The following ZKSCAN7 variants were observed in gnomAD, a reference collection of about 807,000 sequenced individuals.
ZKSCAN7 encodes zinc finger with KRAB and SCAN domains 7.
A neutral mutation model predicts 65.3 loss-of-function variants in ZKSCAN7; 38 were observed. The ratio of observed to expected loss-of-function variants is 0.58; its 90% CI spans 0.45 to 0.76. The LOEUF is 0.76. ZKSCAN7 is among the 30% of genes least tolerant of loss of function. The pLI, the probability that ZKSCAN7 is intolerant of heterozygous loss-of-function variation, is 0.00. For synonymous variants in ZKSCAN7, 321 were observed against 321.0 expected (o/e 1.00, Z 0.00); for missense variants, 815 against 913.3 (o/e 0.89, Z 1.39).
chr3:44,580,787 G>A lies in ZKSCAN7; in HGVS notation c.812-2185G>A, dbSNP rs1700056511. 33 of 1,612,468 alleles carry A rather than the reference G, an allele frequency of 2.0e-5. 1 individual carries two copies. In the South Asian group the frequency reaches 3.3e-4, roughly 16 times the overall value. On this transcript the variant is annotated intron_variant, in intron 5 of 5. Transcript: ENST00000341840. ...TCTCATCCAGGGCGTAGCGCAAGAG[G>A]CCATGCTCGTAAAGGATGAAGAACT...
intron 5 of ZKSCAN7, chr3:44,580,226 C>T: frequency 1.2e-6 from 2 of 1,612,264 alleles, no homozygotes; most frequent in Middle Eastern, 1.7e-4. Flanking sequence ...TGGTCTTCTC[C>T]AGAGAGAAGT....
rs1237005065 is a variant in ZKSCAN7, at chr3:44,571,020, G to T, written c.1910G>T (p.Cys637Phe). 1 of 1,614,060 alleles carries T rather than the reference G, an allele frequency of 6.2e-7. No individual in the cohort carries two copies. Among genetic ancestry groups the T allele is most frequent in the South Asian group, 1.1e-5 (1 of 91,082 alleles). ...CACACGGGTGAAAAGCCCTATAAAT[G>T]CAATGAGTGTGGAAAATCCTTCAAT... ...RLHTGEKPYK[C>F]NECGKSFNQN... The change falls in exon 6 of 6, where the codon TGC (cysteine) becomes TTC (phenylalanine). Residue 637 changes from cysteine (C) to phenylalanine (F), a missense_variant. Cys to Phe is a radical substitution (Grantham distance 205, BLOSUM62 -2). Around this residue, in one of 3 missense-constraint regions of ZKSCAN7, gnomAD observed 578 missense variants for 629.5 expected, o/e 0.92. Coordinates refer to ENST00000426540, the MANE Select transcript of ZKSCAN7 (RefSeq NM_001288590.2).
At chr3:44,572,302 G>A, downstream of ZKSCAN7, 1 of 909,344 alleles carries the variant, frequency 1.1e-6, no homozygotes. Context: ...TATACTCCTG[G>A]AAGTCTTACT....
rs1395356551 is a variant in ZKSCAN7, at chr3:44,568,454, T to C, written c.811+21T>C. ...CTTGGGTAATGATTCTGTTTCCTAG[T>C]CACTTAAAGTCTGCATGCTGCACAA... On this transcript the variant is annotated intron_variant, in intron 5 of 5. Transcript: ENST00000426540. 3.7e-6 allele frequency: 6 copies of C among 1,608,032 alleles called. No homozygotes were observed. The African/African-American group carries it at 8.0e-5, about 22-fold the overall frequency.
downstream of ZKSCAN7, among the ~76,000 whole-genome samples, chr3:44,575,947 A>T (rs1268993090): frequency 1.3e-5 from 2 of 152,164 alleles, no homozygotes; most frequent in Non-Finnish European, 2.9e-5. Flanking sequence ...GGCTGTGCAA[A>T]ATGAATTTGG....
downstream of ZKSCAN7, among the ~76,000 whole-genome samples, chr3:44,576,698 T>G (rs1211487950): frequency 6.6e-6 from 1 of 152,240 alleles, no homozygotes; most frequent in African/African-American, 2.4e-5. Context: ...TCCCTTTAGA[T>G]CTGAAGCTAA....
At chr3:44,561,113 A>G (rs1226691561) in intron 2 of ZKSCAN7, among the ~76,000 whole-genome samples, 1 of 152,210 alleles carries the variant, frequency 6.6e-6, no homozygotes, top group Non-Finnish European at 1.5e-5. Flanking sequence ...TCACACTGCT[A>G]TAAAGAACTA....
Position 44,567,983 on chromosome 3 carries a change from C to G in ZKSCAN7, c.664C>G (p.Leu222Val). Residue 222 changes from leucine to valine, a missense_variant, in exon 4 of 6, where the codon CTT becomes GTT. Leu to Val is a conservative substitution (Grantham distance 32). Coordinates refer to ENST00000426540, the MANE Select transcript of ZKSCAN7 (RefSeq NM_001288590.2). ...NSGDQAGATV[L>V]RMVRPQDTVA... ...AGGAGACCAAGCAGGGGCAACTGTA[C>G]TTCGGATGGTCAGGCCCCAGGTGAG... 1.2e-5 allele frequency: 18 copies of G among 1,449,970 alleles called. No homozygotes were observed. Among genetic ancestry groups the G allele is most frequent in the Non-Finnish European group, 1.6e-5 (17 of 1,064,614 alleles). The allele number at this position is 1,449,970 out of a possible 1,614,324, so 89.8% of individuals were successfully genotyped here. A position where few individuals can be genotyped will look rare whatever the true frequency, so the allele number is the denominator to read the frequency against.
chr3:44,565,793 GT>G, intron 3 of ZKSCAN7, 138 bp downstream of exon 3: 2 of 940,706 alleles, frequency 2.1e-6, no homozygotes, highest in South Asian at 2.7e-5. Context: ...TAGTGACCCT[GT>G]TTGTTCCTTT....
rs748452710 is a variant in ZKSCAN7 at position 44,570,711 on chromosome 3, C to T, written c.1601C>T (p.Ser534Phe). The T allele has an allele frequency of 2.5e-6, 4 of 1,613,486 alleles. No homozygotes were observed. In the African/African-American group the frequency reaches 5.4e-5, roughly 22 times the overall value. The change falls in exon 6 of 6, where the codon TCC (serine) becomes TTC (phenylalanine). Residue 534 changes from serine to phenylalanine, a missense_variant. Ser to Phe is a radical substitution (Grantham distance 155). Around this residue, in one of 3 missense-constraint regions of ZKSCAN7, gnomAD observed 578 missense variants for 629.5 expected, o/e 0.92. Transcript: ENST00000426540. ...KCNECGRAFC[S>F]NRNLIDHQRI... is the part of the protein sequence containing the mutation. The stretch of plus-strand genomic sequence containing the variant: ...AATGAGTGTGGGAGAGCATTCTGTT[C>T]CAATAGAAATCTCATTGACCATCAG...
At chr3:44,560,288 C>G (rs570567808) in intron 2 of ZKSCAN7, among the ~76,000 whole-genome samples, 2 of 152,032 alleles carry the variant, frequency 1.3e-5, no homozygotes, top group African/African-American at 2.4e-5. Context: ...TACAGAATGG[C>G]TAAATGAATA....
intron 5 of ZKSCAN7, chr3:44,578,104 G>C (rs1181195114): frequency 1.3e-6 from 2 of 1,566,352 alleles, no homozygotes; most frequent in Admixed American, 3.3e-5. Context: ...GCACTGTCAG[G>C]GGACTTTTCC....
In ZKSCAN7 at chr3:44,570,060, A is replaced by G. The variant is rs1405181596; in HGVS notation, c.950A>G (p.Asp317Gly). 4.3e-6 allele frequency: 7 copies of G among 1,614,048 alleles called. No individual in the cohort carries two copies. The highest frequency in any genetic ancestry group is 1.7e-5 in the Admixed American group (1 of 59,998). ...GCAGAGACTGGAGATGTTTGTGAAGATACTTTCAAGGAGTTAGAAGGACAA... is the reference window on the plus strand; with the variant it reads ...GCAGAGACTGGAGATGTTTGTGAAGGTACTTTCAAGGAGTTAGAAGGACAA... ...GAAETGDVCE[D>G]TFKELEGQTS... is the part of the protein sequence containing the mutation. Residue 317 changes from aspartate to glycine, a missense_variant, in exon 6 of 6, where the codon GAT (aspartate) becomes GGT (glycine). By Grantham distance (94) the Asp-to-Gly change is moderately conservative. Transcript: ENST00000426540.
At chr3:44,560,361 C>A (rs1699431313) in intron 2 of ZKSCAN7, among the ~76,000 whole-genome samples, 1 of 152,130 alleles carries the variant, frequency 6.6e-6, no homozygotes, top group Non-Finnish European at 1.5e-5. Flanking sequence ...AAATTGGAGT[C>A]ATTTTGCTTA....
intron 3 of ZKSCAN7, among the ~76,000 whole-genome samples, chr3:44,567,332 C>T (rs946159051): frequency 2.0e-5 from 3 of 152,098 alleles, no homozygotes; most frequent in Admixed American, 2.0e-4. Flanking sequence ...AATTCCTAGC[C>T]TCAAGCCAGC....
chr3:44,578,689 C>T (rs878905223), intron 5 of ZKSCAN7, among the ~76,000 whole-genome samples: 1 of 152,246 alleles, frequency 6.6e-6, no homozygotes, highest in East Asian at 1.9e-4. Flanking sequence ...CCCGCTCCAT[C>T]TCCTCCCGGT....
chr3:44,561,308 G>C (rs1365035968), intron 2 of ZKSCAN7, among the ~76,000 whole-genome samples: 4 of 152,034 alleles, frequency 2.6e-5, no homozygotes, highest in African/African-American at 9.7e-5. Context: ...TAAATGATCA[G>C]ATCTCATGAG....
chr3:44,562,389 T>TG (rs1267256495), intron 2 of ZKSCAN7, among the ~76,000 whole-genome samples: 2 of 152,200 alleles, frequency 1.3e-5, no homozygotes, highest in Non-Finnish European at 2.9e-5. Context: ...AGGCCTGTGA[T>TG]GAGAGGGGGC....
At chr3:44,572,723 G>T (rs1966821), downstream of ZKSCAN7, among the ~76,000 whole-genome samples, 1 of 150,960 alleles carries the variant, frequency 6.6e-6, no homozygotes, top group African/African-American at 2.4e-5. Context: ...GGTGGGGGGC[G>T]CCTGTAGTCC....
Sources: gnomAD v4.1 joint callset for allele counts (sites outside exome capture counted in the v4.1 genomes callset) on GRCh38, gnomAD v4.1.1 for gene constraint, gnomAD v4.1.1 regional missense constraint, MANE v1.5 for transcripts, NCBI Gene and HGNC (gene_info 2026-07-23, HGNC 2026-07-21) for gene names.